Variants in POGLUT1 observed in about 807,000 individuals in gnomAD.
POGLUT1 encodes protein O-glucosyltransferase 1, also known as 9630046K23Rik.
A neutral mutation model predicts 61.3 loss-of-function variants in POGLUT1; 32 were observed. That is an observed-to-expected ratio of 0.52 (90% CI 0.39 to 0.70). POGLUT1 has a LOEUF of 0.70. Ranked by LOEUF, POGLUT1 falls within the 30% of genes least tolerant of loss-of-function variation. POGLUT1 has a pLI of 0.00. For synonymous variants in POGLUT1, 158 were observed against 158.2 expected, an observed-to-expected ratio of 1.00 and a Z score of 0.01; for missense variants, 411 against 469.8, an observed-to-expected ratio of 0.87 and a Z score of 1.16.
Position 119,491,526 on chromosome 3 carries a change from T to C in POGLUT1, c.974T>C (p.Leu325Ser). 1 of 1,522,226 alleles carries C rather than the reference T, an allele frequency of 6.6e-7. No individual in the cohort carries two copies. The highest frequency in any genetic ancestry group is 9.0e-7 in the Non-Finnish European group (1 of 1,108,256). The allele number at this position is 1,522,226 out of a possible 1,614,324, so 94.3% of individuals were successfully genotyped here. The change falls in exon 10 of 11, where the codon TTA becomes TCA. Residue 325 changes from leucine to serine, a missense_variant. By Grantham distance (145) the Leu-to-Ser change is moderately radical. Transcript: ENST00000295588. ...KTDLSNVQEL[L>S]QFVKANDDVA... ...AATTCTTTTCATTTTAGAGAGCTGT[T>C]ACAATTTGTAAAAGCAAATGATGAT...
At chr3:119,483,096 G>A (rs1271842779) in intron 5 of POGLUT1, among the ~76,000 whole-genome samples, 7 of 152,166 alleles carry the variant, frequency 4.6e-5, no homozygotes, top group African/African-American at 1.7e-4. Flanking sequence ...TACATGTTTT[G>A]TTAGATAGTT....
chr3:119,489,064 A>C, intron 8 of POGLUT1, 77 bp downstream of exon 8: 1 of 766,288 alleles, frequency 1.3e-6, no homozygotes, highest in South Asian at 1.7e-5. Flanking sequence ...TGAGAACTTT[A>C]ATATAAAGGC....
chr3:119,474,708 A>G (rs2081515668), intron 3 of POGLUT1, among the ~76,000 whole-genome samples: 1 of 152,036 alleles, frequency 6.6e-6, no homozygotes, highest in Non-Finnish European at 1.5e-5. Context: ...GCATGGTGGC[A>G]GGCGCCTGTA....
chr3:119,469,193 G>T (rs1468047828), intron 1 of POGLUT1, 87 bp downstream of exon 1: 1 of 1,065,378 alleles, frequency 9.4e-7, no homozygotes, highest in Admixed American at 2.0e-5. Context: ...CCGGCTCCCG[G>T]GAAGATGCCG....
At position 119,492,689 on chromosome 3, in the gene POGLUT1, C is replaced by T. The variant is rs868679142; in HGVS notation, c.*251C>T. ...AATCGTGAGATGTGGATTTTGAACC[C>T]AACTCTACCTTTCATTTTCTTAAGA... On this transcript the variant is annotated 3_prime_UTR_variant, in exon 11 of 11. Coordinates refer to ENST00000295588, the MANE Select transcript of POGLUT1 (RefSeq NM_152305.3). The T allele has an allele frequency of 8.8e-6, 2 of 228,028 alleles. No homozygotes were observed. Among genetic ancestry groups the T allele is most frequent in the Non-Finnish European group, 1.7e-5 (2 of 116,808 alleles). 14.1% of individuals were successfully genotyped at this position (228,028 alleles called of 1,614,324 possible).
rs58494010 is a variant in POGLUT1, at chr3:119,490,404, T to C, written c.798-147T>C. 4.2e-3 allele frequency: 2,963 copies of C among 709,614 alleles called. 60 individuals carry two copies. In the African/African-American group the frequency reaches 0.046, roughly 11 times the overall value. 44.0% of individuals were successfully genotyped at this position (709,614 alleles called of 1,614,324 possible). On this transcript the variant is annotated intron_variant, in intron 8 of 10. Coordinates refer to ENST00000295588, the MANE Select transcript of POGLUT1 (RefSeq NM_152305.3). ...GGCTGATAGAAACCACTTAGGAACA[T>C]ATTAATGTGTCCTTGAAAACTCAAA...
intron 6 of POGLUT1, among the ~76,000 whole-genome samples, chr3:119,485,682 G>A (rs2081656640): frequency 6.6e-6 from 1 of 152,180 alleles, no homozygotes; most frequent in African/African-American, 2.4e-5. Flanking sequence ...ACAACAGATG[G>A]GTGTCTTCTT....
intron 3 of POGLUT1, among the ~76,000 whole-genome samples, chr3:119,473,158 G>T (rs909077628): frequency 6.6e-6 from 1 of 152,146 alleles, no homozygotes; most frequent in Non-Finnish European, 1.5e-5. Flanking sequence ...GGAAAAAATC[G>T]TTAAGGTATT....
chr3:119,491,546 G>A lies in POGLUT1; in HGVS notation c.994G>A (p.Asp332Asn). 2 of 1,565,768 alleles carry A rather than the reference G, an allele frequency of 1.3e-6. No individual in the cohort carries two copies. The highest frequency in any genetic ancestry group is 2.3e-5 in the South Asian group (2 of 86,526). ...QELLQFVKAN[D>N]DVAQEIAERG... ...GCTGTTACAATTTGTAAAAGCAAAT[G>A]ATGATGTAGCTCAAGAGATTGCTGA... The change falls in exon 10 of 11, where the codon GAT becomes AAT. Residue 332 changes from aspartate (D) to asparagine (N), a missense_variant. Transcript: ENST00000295588.
intron 3 of POGLUT1, among the ~76,000 whole-genome samples, chr3:119,474,335 G>A (rs78471218): frequency 0.011 from 1,742 of 152,136 alleles, 34 homozygotes; most frequent in African/African-American, 0.039. Context: ...ACACTGATAA[G>A]TCTTCATGTA....
rs2081671246 is a variant in POGLUT1, at chr3:119,486,904, C to T, written c.710C>T (p.Thr237Ile). ...KNPKLVDAEY[T>I]KNQAWKSMKD... ...CCAAAACTTGTTGATGCAGAATACA[C>T]CAAAAACCAGGCCTGGAAATCTATG... The change falls in exon 7 of 11, where the codon ACC becomes ATC. Residue 237 changes from threonine (T) to isoleucine (I), a missense_variant. By Grantham distance (89) the Thr-to-Ile change is moderately conservative (BLOSUM62 -1). Transcript: ENST00000295588. The T allele has an allele frequency of 6.2e-7, 1 of 1,612,486 alleles. No homozygotes were observed. The highest frequency in any genetic ancestry group is 8.5e-7 in the Non-Finnish European group (1 of 1,178,524).
chr3:119,491,015 T>C (rs925508640), intron 9 of POGLUT1, among the ~76,000 whole-genome samples: 2 of 151,846 alleles, frequency 1.3e-5, no homozygotes, highest in African/African-American at 2.4e-5. Flanking sequence ...TTCAATCTTA[T>C]TATATTGTCA....
chr3:119,469,069 C>T lies in POGLUT1; in HGVS notation c.48C>T (p.Phe16=), dbSNP rs1445805736. 6.2e-7 allele frequency: 1 copy of T among 1,609,254 alleles called. No homozygotes were observed. Among genetic ancestry groups the T allele is most frequent in the Non-Finnish European group, 8.5e-7 (1 of 1,179,034 alleles). The change falls in exon 1 of 11, where the codon TTC becomes TTT. Residue 16 remains phenylalanine, a synonymous_variant. Coordinates refer to ENST00000295588, the MANE Select transcript of POGLUT1 (RefSeq NM_152305.3). ...SSPLRLWLLL[F]LLPSAQGRQK... is the part of the protein sequence containing the mutation. The stretch of plus-strand genomic sequence containing the variant: ...CGCTTCGGCTCTGGCTGCTGTTGTT[C>T]CTCCTGCCCTCAGCGCAGGGCCGCC...
chr3:119,492,552 T>C lies in POGLUT1; in HGVS notation c.*114T>C. On this transcript the variant is annotated 3_prime_UTR_variant, in exon 11 of 11. Coordinates refer to ENST00000295588, the MANE Select transcript of POGLUT1 (RefSeq NM_152305.3). The stretch of plus-strand genomic sequence containing the variant: ...CTTGAATATCTGCTATCAAGCCAAA[T>C]ACCTGGTTTTCCTTATCATGCTGCA... The C allele has an allele frequency of 1.7e-6, 1 of 596,690 alleles. No individual in the cohort carries two copies. The highest frequency in any genetic ancestry group is 2.8e-6 in the Non-Finnish European group (1 of 359,326). The allele number at this position is 596,690 out of a possible 1,614,324, so 37.0% of individuals were successfully genotyped here. A position where few individuals can be genotyped will look rare whatever the true frequency, so the allele number is the denominator to read the frequency against.
At position 119,492,323 on chromosome 3, in the gene POGLUT1, T is replaced by A; in HGVS notation, c.1064T>A (p.Ile355Asn). The change falls in exon 11 of 11, where the codon ATC (isoleucine) becomes AAC (asparagine). Residue 355 changes from isoleucine (I) to asparagine (N), a missense_variant. Coordinates refer to ENST00000295588, the MANE Select transcript of POGLUT1 (RefSeq NM_152305.3). ...FIRNHLQMDD[I>N]TCYWENLLSE... ...AGGAACCATTTGCAGATGGATGACATCACCTGTTACTGGGAGAACCTCTTG... is the reference window on the plus strand; with the variant it reads ...AGGAACCATTTGCAGATGGATGACAACACCTGTTACTGGGAGAACCTCTTG... 6.2e-7 allele frequency: 1 copy of A among 1,610,904 alleles called. No homozygotes were observed. Among genetic ancestry groups the A allele is most frequent in the Non-Finnish European group, 8.5e-7 (1 of 1,178,008 alleles).
rs1255580232 is a variant in POGLUT1, at chr3:119,492,652, A to T, written c.*214A>T. On this transcript the variant is annotated 3_prime_UTR_variant, in exon 11 of 11. Coordinates refer to ENST00000295588, the MANE Select transcript of POGLUT1 (RefSeq NM_152305.3). ...TGAAGCAGTTCAACTTTTTGGATGA[A>T]TAAGGACCAGAAATCGTGAGATGTG... 2 of 296,044 alleles carry T rather than the reference A, an allele frequency of 6.8e-6. No homozygotes were observed. Among genetic ancestry groups the T allele is most frequent in the African/African-American group, 2.2e-5 (1 of 46,100 alleles). The allele number at this position is 296,044 out of a possible 1,614,324, so 18.3% of individuals were successfully genotyped here.
rs1370440815 is a variant in POGLUT1 at position 119,493,304 on chromosome 3, A to G, written c.*866A>G. On this transcript the variant is annotated 3_prime_UTR_variant, in exon 11 of 11. Coordinates refer to ENST00000295588, the MANE Select transcript of POGLUT1 (RefSeq NM_152305.3). The stretch of plus-strand genomic sequence containing the variant: ...CTCTCACTGTCTTGCAGGAATCACA[A>G]GAAGTCTTCATATGTGAACGTGCCA... 1 of 152,238 alleles carries G rather than the reference A, an allele frequency of 6.6e-6. No homozygotes were observed. The highest frequency in any genetic ancestry group is 2.4e-5 in the African/African-American group (1 of 41,452). The allele number at this position is 152,238 out of a possible 1,614,324, so 9.4% of individuals were successfully genotyped here.
chr3:119,490,401 A>T (rs1204440333), intron 8 of POGLUT1, 150 bp from the exon 9 acceptor site: 1 of 692,530 alleles, frequency 1.4e-6, no homozygotes, highest in African/African-American at 1.8e-5. Flanking sequence ...CCACTTAGGA[A>T]CATATTAATG....
chr3:119,487,090 T>G, intron 7 of POGLUT1, 158 bp downstream of exon 7: 1 of 615,308 alleles, frequency 1.6e-6, no homozygotes, highest in South Asian at 1.9e-5. Context: ...TAAATTCTCC[T>G]TTTTCAAACT....
Sources: gnomAD v4.1 joint callset for allele counts (sites outside exome capture counted in the v4.1 genomes callset) on GRCh38, gnomAD v4.1.1 for gene constraint, MANE v1.5 for transcripts, NCBI Gene and HGNC (gene_info 2026-07-23, HGNC 2026-07-21) for gene names.